The following PDE8B variants were observed in gnomAD, a reference collection of about 807,000 sequenced individuals.
PDE8B encodes high affinity cAMP-specific and IBMX-insensitive 3',5'-cyclic phosphodiesterase 8B.
Under a neutral mutation model 101.3 loss-of-function variants are expected in PDE8B, and 26 were observed. The ratio of observed to expected loss-of-function variants is 0.26; its 90% CI spans 0.19 to 0.36. The LOEUF (loss-of-function observed/expected upper bound fraction) is 0.36, where lower values mean the gene tolerates loss of function less well. PDE8B is among the 10% of genes least tolerant of loss of function. The pLI is 1.00. For synonymous variants in PDE8B, 424 were observed against 429.3 expected (o/e 0.99, Z 0.15); for missense variants, 810 against 1,163.1 (o/e 0.70, Z 4.42).
chr5:77,150,332 C>G, the PDE8B span, among the ~76,000 whole-genome samples: 1 of 152,188 alleles, frequency 6.6e-6, no homozygotes, highest in African/African-American at 2.4e-5. Context: ...TGTGACTATC[C>G]AAGATGCTTG....
intron 1 of PDE8B, among the ~76,000 whole-genome samples, chr5:77,266,503 C>T (rs186473364): frequency 4.3e-4 from 65 of 152,306 alleles, no homozygotes; most frequent in East Asian, 1.9e-4. Context: ...GTTAGACGAG[C>T]TTCATTCAGG....
the PDE8B span, among the ~76,000 whole-genome samples, chr5:77,160,452 G>GT: frequency 1.3e-5 from 2 of 152,100 alleles, no homozygotes; most frequent in Non-Finnish European, 2.9e-5. Flanking sequence ...AAATCCACGT[G>GT]TAAGTGGAAC....
chr5:77,171,804 G>A, the PDE8B span, among the ~76,000 whole-genome samples: 1 of 152,296 alleles, frequency 6.6e-6, no homozygotes, highest in Non-Finnish European at 1.5e-5. Context: ...GGTTGCCGCG[G>A]AGGGATGGAG....
chr5:77,162,994 A>G, the PDE8B span, among the ~76,000 whole-genome samples: 17 of 152,368 alleles, frequency 1.1e-4, no homozygotes, highest in African/African-American at 3.8e-4. Flanking sequence ...GACTTCAAAT[A>G]TAGAAGACAG....
chr5:77,167,447 G>A, the PDE8B span, among the ~76,000 whole-genome samples: 10 of 152,140 alleles, frequency 6.6e-5, no homozygotes, highest in Non-Finnish European at 1.0e-4. Flanking sequence ...ATTTACCACA[G>A]GGTTTGTTTA....
At chr5:77,413,424 A>T (rs335615) in intron 17 of PDE8B, 115 bp downstream of exon 17, 614,565 of 771,024 alleles carry the variant, frequency 0.8, 247,739 homozygotes, top group East Asian at 0.93. Context: ...CAGCTTTTTT[A>T]AAAAAAAATT....
At chr5:77,176,208 G>A in the PDE8B span, among the ~76,000 whole-genome samples, 3 of 152,076 alleles carry the variant, frequency 2.0e-5, no homozygotes, top group African/African-American at 7.3e-5. Flanking sequence ...ACTCCCACTC[G>A]TATTCCAAAC....
intron 1 of PDE8B, among the ~76,000 whole-genome samples, chr5:77,230,936 C>T (rs369739734): frequency 6.6e-6 from 1 of 152,224 alleles, no homozygotes; most frequent in Non-Finnish European, 1.5e-5. Flanking sequence ...ACATGTTGTT[C>T]AGACCTCTCA....
the PDE8B span, among the ~76,000 whole-genome samples, chr5:77,186,561 T>A: frequency 6.6e-6 from 1 of 152,166 alleles, no homozygotes; most frequent in Non-Finnish European, 1.5e-5. Context: ...TCTCATGCCA[T>A]CTTTTTCTTG....
At chr5:77,180,666 T>G in the PDE8B span, among the ~76,000 whole-genome samples, 1 of 152,114 alleles carries the variant, frequency 6.6e-6, no homozygotes, top group Non-Finnish European at 1.5e-5. Context: ...GCCAACTACC[T>G]CCTTCCTTTC....
chr5:77,340,600 AGTGT>A (rs34764404), intron 6 of PDE8B, among the ~76,000 whole-genome samples: 8,193 of 140,002 alleles, frequency 0.059, 312 homozygotes, highest in East Asian at 0.12. Flanking sequence ...GCAGCCTCAC[AGTGT>A]GTGTGTGTGT....
At chr5:77,122,395 G>A in the PDE8B span, among the ~76,000 whole-genome samples, 1 of 152,160 alleles carries the variant, frequency 6.6e-6, no homozygotes, top group Non-Finnish European at 1.5e-5. Context: ...ACTGCCATGA[G>A]GAACCCAAAA....
At chr5:77,395,529 A>G (rs1222331476) in intron 10 of PDE8B, among the ~76,000 whole-genome samples, 1 of 151,240 alleles carries the variant, frequency 6.6e-6, no homozygotes, top group East Asian at 1.9e-4. Flanking sequence ...CTTTTAAAAT[A>G]ACTTTTAAAA....
chr5:77,199,987 A>G, the PDE8B span, among the ~76,000 whole-genome samples: 5 of 152,192 alleles, frequency 3.3e-5, no homozygotes, highest in African/African-American at 1.2e-4. Flanking sequence ...TTCTTAAAAC[A>G]TAATGGGACT....
rs572441094 is a variant in PDE8B at position 77,295,235 on chromosome 5, TATA to T, written c.340-16757_340-16755del. On this transcript the variant is annotated intron_variant, in intron 1 of 21. Coordinates refer to ENST00000264917, the MANE Select transcript of PDE8B (RefSeq NM_003719.5). ...CATTCAGCCAAACTGGACCCTCAAA[TATA>T]AGAACCACAGACAAAACTGTGCGAA... is the stretch of plus-strand genomic sequence containing the variant. 1.6e-3 allele frequency among the ~76,000 whole-genome samples: 247 copies of T among 152,230 alleles called. 2 individuals carry two copies. Among genetic ancestry groups the T allele is most frequent in the African/African-American group, 5.7e-3 (237 of 41,530 alleles).
At chr5:77,350,104 T>C (rs889167376) in intron 8 of PDE8B, among the ~76,000 whole-genome samples, 46 of 152,184 alleles carry the variant, frequency 3.0e-4, no homozygotes, top group African/African-American at 1.1e-3. Flanking sequence ...AGCCCTCTCC[T>C]CCTGTAGAGC....
intron 1 of PDE8B, among the ~76,000 whole-genome samples, chr5:77,215,983 C>T (rs1245757901): frequency 1.3e-5 from 2 of 152,274 alleles, no homozygotes; most frequent in South Asian, 2.1e-4. Context: ...ATTCAGGAGG[C>T]TGTGGTGACC....
At chr5:77,386,264 G>A (rs575340277) in intron 10 of PDE8B, among the ~76,000 whole-genome samples, 6 of 152,314 alleles carry the variant, frequency 3.9e-5, no homozygotes, top group Non-Finnish European at 7.3e-5. Context: ...TTGATTTGGG[G>A]TGGAGAGTTC....
At chr5:77,230,936 C>G (rs369739734) in intron 1 of PDE8B, among the ~76,000 whole-genome samples, 1 of 152,224 alleles carries the variant, frequency 6.6e-6, no homozygotes, top group African/African-American at 2.4e-5. Context: ...ACATGTTGTT[C>G]AGACCTCTCA....
Sources: allele counts gnomAD v4.1 joint callset (sites outside exome capture counted in the v4.1 genomes callset), GRCh38; gene constraint gnomAD v4.1.1; transcripts MANE v1.5; gene names NCBI Gene and HGNC (gene_info 2026-07-23, HGNC 2026-07-21).